The following WWOX variants were observed in gnomAD, a reference collection of about 807,000 sequenced individuals.
WWOX encodes WW domain-containing oxidoreductase.
In WWOX, 69 loss-of-function variants were observed where a neutral mutation model predicts 46.2. That is an observed-to-expected ratio of 1.49 (90% CI 1.23 to 1.82). The LOEUF is 1.82. Ranked by LOEUF, WWOX falls within the 40% of genes most tolerant of loss-of-function variation. The pLI, the probability that WWOX is intolerant of heterozygous loss-of-function variation, is 0.00. For missense variants in WWOX, 919 were observed against 542.6 expected (o/e 1.69, Z -6.89); for synonymous variants, 359 against 202.6 (o/e 1.77, Z -6.56).
intron 8 of WWOX, among the ~76,000 whole-genome samples, chr16:78,614,276 A>G (rs1020634429): frequency 2.0e-5 from 3 of 152,258 alleles, no homozygotes; most frequent in Non-Finnish European, 4.4e-5. Context: ...TGGGCAGTAT[A>G]GATAAATAGA....
At chr16:78,880,759 T>C (rs917237586) in intron 8 of WWOX, among the ~76,000 whole-genome samples, 8 of 152,152 alleles carry the variant, frequency 5.3e-5, no homozygotes, top group African/African-American at 9.7e-5. Flanking sequence ...TGGGAGAAGA[T>C]GGTTTCAAAG....
At chr16:79,077,627 C>G (rs1027235481) in intron 8 of WWOX, 2 of 142,096 alleles carry the variant, frequency 1.4e-5, no homozygotes, top group Non-Finnish European at 3.0e-5. Flanking sequence ...ACCCAATGTC[C>G]TTAAATGGTC....
chr16:78,486,807 C>A (rs184855009), intron 8 of WWOX, among the ~76,000 whole-genome samples: 1 of 152,178 alleles, frequency 6.6e-6, no homozygotes, highest in African/African-American at 2.4e-5. Flanking sequence ...CTCCTGACTT[C>A]GTGATCCACT....
chr16:78,210,686 A>G (rs921720181), intron 5 of WWOX, among the ~76,000 whole-genome samples: 1 of 152,136 alleles, frequency 6.6e-6, no homozygotes, highest in Non-Finnish European at 1.5e-5. Flanking sequence ...ATAATATTAG[A>G]TTTCCCCTGT....
intron 8 of WWOX, among the ~76,000 whole-genome samples, chr16:78,530,344 G>A (rs1016063853): frequency 6.6e-6 from 1 of 152,186 alleles, no homozygotes; most frequent in Non-Finnish European, 1.5e-5. Flanking sequence ...GAGGTCTCAT[G>A]AGCAAATTTT....
At chr16:78,157,815 A>C (rs182104026) in intron 4 of WWOX, among the ~76,000 whole-genome samples, 157 of 152,278 alleles carry the variant, frequency 1.0e-3, no homozygotes, top group African/African-American at 3.7e-3. Context: ...TCTAGGAGCA[A>C]GTTTTAATTT....
chr16:78,108,548 C>T (rs2032299200), intron 2 of WWOX, 61 bp downstream of exon 2: 2 of 1,583,974 alleles, frequency 1.3e-6, no homozygotes, highest in Admixed American at 1.7e-5. Context: ...GGAAATGTCA[C>T]TGGCAGAGAG....
chr16:78,839,935 C>G (rs1318825737), intron 8 of WWOX, among the ~76,000 whole-genome samples: 1 of 152,190 alleles, frequency 6.6e-6, no homozygotes, highest in East Asian at 1.9e-4. Flanking sequence ...TTCTAGTTAA[C>G]CATATATTAT....
At chr16:78,532,942 C>T (rs544419250) in intron 8 of WWOX, among the ~76,000 whole-genome samples, 1 of 152,238 alleles carries the variant, frequency 6.6e-6, no homozygotes, top group South Asian at 2.1e-4. Context: ...CACCAAGGGA[C>T]CAAGGCCTGA....
intron 8 of WWOX, among the ~76,000 whole-genome samples, chr16:78,827,631 G>A (rs183523746): frequency 1.3e-4 from 19 of 151,186 alleles, no homozygotes; most frequent in East Asian, 2.0e-4. Flanking sequence ...TCAGGACTTC[G>A]AGACCAGCCT....
At chr16:78,709,723 C>T (rs2048398610) in intron 8 of WWOX, among the ~76,000 whole-genome samples, 1 of 141,124 alleles carries the variant, frequency 7.1e-6, no homozygotes, top group African/African-American at 2.6e-5. Flanking sequence ...TCTTCCAAAG[C>T]AACAGTAAGC....
At chr16:79,155,455 G>A (rs1462131637) in intron 8 of WWOX, among the ~76,000 whole-genome samples, 1 of 152,018 alleles carries the variant, frequency 6.6e-6, no homozygotes, top group Non-Finnish European at 1.5e-5. Context: ...CAAAATTGAG[G>A]TTATTATGTA....
intron 6 of WWOX, among the ~76,000 whole-genome samples, chr16:78,410,417 A>G (rs1597188008): frequency 6.6e-6 from 1 of 151,542 alleles, no homozygotes; most frequent in Non-Finnish European, 1.5e-5. Flanking sequence ...TCTTTGGGGG[A>G]CTTTTATTTT....
intron 5 of WWOX, among the ~76,000 whole-genome samples, chr16:78,359,559 G>A (rs1450330069): frequency 1.3e-5 from 2 of 152,106 alleles, no homozygotes; most frequent in Admixed American, 1.3e-4. Flanking sequence ...AAATGAGTTA[G>A]AATATGAGTT....
At chr16:78,135,168 C>T (rs2033744146) in intron 4 of WWOX, among the ~76,000 whole-genome samples, 2 of 152,224 alleles carry the variant, frequency 1.3e-5, no homozygotes, top group Admixed American at 1.3e-4. Flanking sequence ...TCTTGGGATG[C>T]AGAGAAAACT....
intron 5 of WWOX, among the ~76,000 whole-genome samples, chr16:78,313,667 A>T (rs948148863): frequency 6.6e-6 from 1 of 152,058 alleles, no homozygotes; most frequent in African/African-American, 2.4e-5. Context: ...CGTCAGGCCT[A>T]TTGTTTTTCC....
intron 5 of WWOX, among the ~76,000 whole-genome samples, chr16:78,194,235 A>C (rs1567623400): frequency 6.6e-6 from 1 of 152,124 alleles, no homozygotes; most frequent in Admixed American, 6.6e-5. Flanking sequence ...GATGTTTTGC[A>C]GACAGGTTTA....
In WWOX at chr16:78,887,114, GTGTGTGTGTGTGTGTGTGTGTA is replaced by G. The variant is rs2044480298; in HGVS notation, c.1057-324492_1057-324471del. Among the ~76,000 whole-genome samples, 57 of 101,064 alleles carry G rather than the reference GTGTGTGTGTGTGTGTGTGTGTA, an allele frequency of 5.6e-4. 1 individual carries two copies. The Admixed American group carries it at 6.0e-3, about 11-fold the overall frequency. The allele number at this position is 101,064 out of a possible 152,430, so 66.3% of individuals were successfully genotyped here. On this transcript the variant is annotated intron_variant, in intron 8 of 8. Coordinates refer to ENST00000566780, the MANE Select transcript of WWOX (RefSeq NM_016373.4). The stretch of plus-strand genomic sequence containing the variant: ...TGTGTGTGTGTGTGTGTGTGTGTGT[GTGTGTGTGTGTGTGTGTGTGTA>G]TACCTAGTCTAGGGCTAGGTTTGGG...
chr16:78,586,463 T>C (rs975636587), intron 8 of WWOX, among the ~76,000 whole-genome samples: 2 of 152,184 alleles, frequency 1.3e-5, no homozygotes, highest in Non-Finnish European at 2.9e-5. Context: ...CTATTTGTCA[T>C]CCTCTGTACC....
Sources: gnomAD v4.1 joint callset for allele counts (sites outside exome capture counted in the v4.1 genomes callset) on GRCh38, gnomAD v4.1.1 for gene constraint, MANE v1.5 for transcripts, NCBI Gene and HGNC (gene_info 2026-07-23, HGNC 2026-07-21) for gene names.